The following ARHGAP8 variants were observed in gnomAD, a reference collection of about 807,000 sequenced individuals.
ARHGAP8 encodes Rho GTPase activating protein 8, also known as rho GTPase-activating protein 8.
A neutral mutation model predicts 46.1 loss-of-function variants in ARHGAP8; 62 were observed. The observed-to-expected ratio is 1.34, with a 90% CI of 1.10 to 1.66. The LOEUF is 1.66. ARHGAP8 is among the 40% of genes most tolerant of loss of function. ARHGAP8 has a pLI of 0.00. For synonymous variants in ARHGAP8, 375 were observed against 243.1 expected (o/e 1.54, Z -5.05); for missense variants, 923 against 568.4 (o/e 1.62, Z -6.34).
chr22:44,827,340 T>TTTTG (rs1930600453), intron 7 of ARHGAP8, among the ~76,000 whole-genome samples: 2 of 100,178 alleles, frequency 2.0e-5, no homozygotes, highest in Non-Finnish European at 3.9e-5. Flanking sequence ...GTGGTGGTTT[T>TTTTG]TTTTTTTTTT....
At chr22:44,854,989 G>A (rs935628033) in intron 10 of ARHGAP8, among the ~76,000 whole-genome samples, 11 of 152,042 alleles carry the variant, frequency 7.2e-5, no homozygotes, top group Admixed American at 2.0e-4. Flanking sequence ...GACTAATCTT[G>A]TCAGAGTTAC....
At chr22:44,776,163 G>C (rs1334528885) in intron 1 of ARHGAP8, among the ~76,000 whole-genome samples, 1 of 152,092 alleles carries the variant, frequency 6.6e-6, no homozygotes, top group African/African-American at 2.4e-5. Flanking sequence ...TAATATGTAG[G>C]CATCCAGCCA....
intron 7 of ARHGAP8, 152 bp downstream of exon 7, chr22:44,825,745 GCC>G: frequency 1.0e-6 from 1 of 980,846 alleles, no homozygotes; most frequent in South Asian, 1.8e-5. Flanking sequence ...CATCACTGAG[GCC>G]GTGGCTCGCT....
intron 3 of ARHGAP8, among the ~76,000 whole-genome samples, chr22:44,806,098 G>A (rs994980824): frequency 1.3e-5 from 2 of 152,168 alleles, no homozygotes. Context: ...TCCCTCTCTT[G>A]AAAAAGTCAT....
At position 44,858,949 on chromosome 22, in the gene ARHGAP8, T is replaced by C. The variant is rs148966939; in HGVS notation, c.878-782T>C. Among the ~76,000 whole-genome samples, 589 of 151,950 alleles carry C rather than the reference T, an allele frequency of 3.9e-3. 7 individuals carry two copies. Among genetic ancestry groups the C allele is most frequent in the African/African-American group, 0.014 (564 of 41,314 alleles). On this transcript the variant is annotated intron_variant, in intron 10 of 11. Coordinates refer to ENST00000356099, the MANE Select transcript of ARHGAP8 (RefSeq NM_181335.3). ...AGTCTCTGTTGCAACTACTCAGCTC[T>C]GCCCTGATGAGGCAAAAGCAGCCAC...
At chr22:44,779,489 C>T (rs1926677365) in intron 1 of ARHGAP8, among the ~76,000 whole-genome samples, 3 of 151,920 alleles carry the variant, frequency 2.0e-5, no homozygotes, top group Admixed American at 6.6e-5. Context: ...ATGTAACATC[C>T]CGCTGTAGGA....
intron 7 of ARHGAP8, among the ~76,000 whole-genome samples, chr22:44,829,086 G>A (rs1171163292): frequency 7.4e-5 from 10 of 134,880 alleles, no homozygotes; most frequent in South Asian, 2.4e-4. Context: ...CAGCCTGGCC[G>A]GTATGGTGAA....
rs2070001554 is a variant in ARHGAP8, at chr22:44,848,033, A to G, written c.731A>G (p.Gln244Arg). 5 of 1,607,382 alleles carry G rather than the reference A, an allele frequency of 3.1e-6. No homozygotes were observed. The highest frequency in any genetic ancestry group is 4.2e-6 in the Non-Finnish European group (5 of 1,179,944). The part of the protein sequence containing the change: ...SASVQTVREI[Q>R]RLYNQGKPVN... Reference sequence around the variant, plus strand: ...AGCGTGCAGACCGTCCGCGAGATCCAGAGGCTCTACAACCAAGGTGAGGGT... The same window carrying G: ...AGCGTGCAGACCGTCCGCGAGATCCGGAGGCTCTACAACCAAGGTGAGGGT... Residue 244 changes from glutamine to arginine, a missense_variant, in exon 9 of 12, where the codon CAG becomes CGG. Coordinates refer to ENST00000356099, the MANE Select transcript of ARHGAP8 (RefSeq NM_181335.3).
At chr22:44,860,103 A>G (rs2070397698) in intron 11 of ARHGAP8, among the ~76,000 whole-genome samples, 1 of 151,968 alleles carries the variant, frequency 6.6e-6, no homozygotes, top group South Asian at 2.1e-4. Context: ...GACTTTTGTT[A>G]TTGGGGTCCT....
chr22:44,854,049 A>AC (rs2070161019), intron 10 of ARHGAP8, among the ~76,000 whole-genome samples: 2 of 139,962 alleles, frequency 1.4e-5, no homozygotes, highest in Admixed American at 7.0e-5. Context: ...AAAAAAAAAA[A>AC]AAAAAAAAAA....
Position 44,847,968 on chromosome 22 carries a change from T to C in ARHGAP8, c.671-5T>C, listed in dbSNP as rs1316132129. Reference sequence around the variant, plus strand: ...GTGAGATGCCTGGAAGCTCCTCTCCTGCAGGCCTGCGCACCGAGGGCCTGT... The same window carrying C: ...GTGAGATGCCTGGAAGCTCCTCTCCCGCAGGCCTGCGCACCGAGGGCCTGT... On this transcript the variant is annotated splice_polypyrimidine_tract_variant and splice_region_variant and intron_variant, in intron 8 of 11. Coordinates refer to ENST00000356099, the MANE Select transcript of ARHGAP8 (RefSeq NM_181335.3). The C allele has an allele frequency of 3.0e-5, 48 of 1,606,730 alleles. No individual in the cohort carries two copies. The highest frequency in any genetic ancestry group is 4.0e-5 in the African/African-American group (3 of 74,944).
At chr22:44,774,697 G>T (rs1926291251) in intron 1 of ARHGAP8, among the ~76,000 whole-genome samples, 1 of 151,358 alleles carries the variant, frequency 6.6e-6, no homozygotes. Flanking sequence ...TAATTTTTGT[G>T]TTTTTAGTAG....
chr22:44,841,481 G>A (rs1253985176), intron 7 of ARHGAP8, among the ~76,000 whole-genome samples: 2 of 152,254 alleles, frequency 1.3e-5, no homozygotes, highest in Admixed American at 6.5e-5. Context: ...CTAGCTCCAC[G>A]TGGCCAAATC....
At chr22:44,772,113 T>C (rs945124318) in intron 1 of ARHGAP8, among the ~76,000 whole-genome samples, 1 of 151,806 alleles carries the variant, frequency 6.6e-6, no homozygotes, top group African/African-American at 2.4e-5. Flanking sequence ...TATGAGTGAG[T>C]CTTGAATGTT....
At chr22:44,830,879 G>T (rs1407378591) in intron 7 of ARHGAP8, among the ~76,000 whole-genome samples, 1 of 152,174 alleles carries the variant, frequency 6.6e-6, no homozygotes, top group Non-Finnish European at 1.5e-5. Flanking sequence ...TAGGTGTCAA[G>T]TGTAGTTCAT....
intron 7 of ARHGAP8, among the ~76,000 whole-genome samples, chr22:44,843,803 C>T (rs1337374756): frequency 9.1e-6 from 1 of 109,384 alleles, no homozygotes; most frequent in Non-Finnish European, 1.8e-5. Flanking sequence ...CCAACCTGGG[C>T]AACAGGGTAA....
chr22:44,756,032 G>A (rs1341876610), intron 1 of ARHGAP8, among the ~76,000 whole-genome samples: 1 of 152,210 alleles, frequency 6.6e-6, no homozygotes, highest in African/African-American at 2.4e-5. Context: ...GACCTTGGGG[G>A]AAGATCTTGC....
At chr22:44,861,937 T>G (rs1226045871) in intron 11 of ARHGAP8, among the ~76,000 whole-genome samples, 2 of 151,782 alleles carry the variant, frequency 1.3e-5, no homozygotes, top group African/African-American at 2.4e-5. Flanking sequence ...GCCAGAGAGG[T>G]CACCAAGTTC....
At chr22:44,817,657 T>G (rs903487095) in intron 5 of ARHGAP8, among the ~76,000 whole-genome samples, 23 of 151,168 alleles carry the variant, frequency 1.5e-4, no homozygotes, top group African/African-American at 4.4e-4. Flanking sequence ...CACAAAAAAT[T>G]AGCGGGTGTG....
Sources: gnomAD v4.1 joint callset for allele counts (sites outside exome capture counted in the v4.1 genomes callset) on GRCh38, gnomAD v4.1.1 for gene constraint, MANE v1.5 for transcripts, NCBI Gene and HGNC (gene_info 2026-07-23, HGNC 2026-07-21) for gene names.